The following MYO9B variants were observed in gnomAD, a reference collection of about 807,000 sequenced individuals.
MYO9B encodes unconventional myosin-IXb.
Under a neutral mutation model 229.5 loss-of-function variants are expected in MYO9B, and 71 were observed. That is an observed-to-expected ratio of 0.31 (90% CI 0.26 to 0.38). MYO9B has a LOEUF of 0.38. Among genes scored for constraint, MYO9B ranks in the 10% least tolerant of loss-of-function variants. The probability of loss-of-function intolerance (pLI) is 1.00; values close to 1 mark genes in which losing one functional copy is unlikely to be tolerated. For synonymous variants in MYO9B, 1,185 were observed against 1,235.8 expected (o/e 0.96, Z 0.86); for missense variants, 2,255 against 2,920.5 (o/e 0.77, Z 5.25).
At position 17,118,837 on chromosome 19, in the gene MYO9B, G is replaced by A. The variant is rs181695849; in HGVS notation, c.840+16280G>A. Reference sequence around the variant, plus strand: ...TAAATGAAGCCACCACCTGTGTGGAGGGAGCTGTTTGTGGAAGGTGTAATT... The same window carrying A: ...TAAATGAAGCCACCACCTGTGTGGAAGGAGCTGTTTGTGGAAGGTGTAATT... On this transcript the variant is annotated intron_variant, in intron 2 of 39. Coordinates refer to ENST00000682292, the MANE Select transcript of MYO9B (RefSeq NM_004145.4). Among the ~76,000 whole-genome samples the A allele has an allele frequency of 3.9e-5, 6 of 152,230 alleles. No homozygotes were observed. The East Asian group carries it at 1.2e-3, about 30-fold the overall frequency.
At chr19:17,153,879 T>C (rs1297230499) in intron 4 of MYO9B, 88 bp from the exon 5 acceptor site, 1 of 926,712 alleles carries the variant, frequency 1.1e-6, no homozygotes, top group African/African-American at 1.6e-5. Flanking sequence ...TGAGGTGTGC[T>C]CTCCAAAGCC....
chr19:17,133,163 A>G (rs933372198), intron 2 of MYO9B, among the ~76,000 whole-genome samples: 1 of 152,220 alleles, frequency 6.6e-6, no homozygotes, highest in Middle Eastern at 3.4e-3. Context: ...TTTCTAATTG[A>G]TGAAAGTTGT....
intron 35 of MYO9B, among the ~76,000 whole-genome samples, chr19:17,209,187 A>G (rs1010957478): frequency 1.3e-5 from 2 of 152,158 alleles, no homozygotes. Context: ...GATACTGACA[A>G]CACCAGGCTG....
At chr19:17,077,676 C>T (rs1343533559) in intron 1 of MYO9B, among the ~76,000 whole-genome samples, 2 of 152,178 alleles carry the variant, frequency 1.3e-5, no homozygotes, top group African/African-American at 2.4e-5. Flanking sequence ...CGTTTTTCAA[C>T]CTTGAAACCC....
intron 2 of MYO9B, among the ~76,000 whole-genome samples, chr19:17,125,004 A>G (rs920776414): frequency 3.3e-5 from 5 of 151,954 alleles, no homozygotes; most frequent in African/African-American, 1.2e-4. Context: ...TTGGGCATCA[A>G]ATGGGCAAGA....
At chr19:17,162,868 G>A (rs993072317) in intron 9 of MYO9B, 120 bp from the exon 10 acceptor site, 4 of 1,127,250 alleles carry the variant, frequency 3.5e-6, no homozygotes, top group Non-Finnish European at 5.0e-6. Context: ...AAAGTGTTCT[G>A]CCGAGCAACA....
At chr19:17,185,869 C>T (rs1358666090) in intron 17 of MYO9B, 52 bp from the exon 18 acceptor site, 11 of 1,450,532 alleles carry the variant, frequency 7.6e-6, no homozygotes, top group East Asian at 4.5e-5. Flanking sequence ...CACAGAACAG[C>T]GGCTGTCAGG....
At chr19:17,136,934 A>T (rs1161741525) in intron 2 of MYO9B, among the ~76,000 whole-genome samples, 1 of 152,090 alleles carries the variant, frequency 6.6e-6, no homozygotes, top group African/African-American at 2.4e-5. Context: ...CGACAAAAAT[A>T]ATTTTTAAAA....
In MYO9B at chr19:17,212,282, C is replaced by G; in HGVS notation, c.6446C>G (p.Pro2149Arg). The G allele has an allele frequency of 6.5e-7, 1 of 1,541,408 alleles. No individual in the cohort carries two copies. The highest frequency in any genetic ancestry group is 8.7e-7 in the Non-Finnish European group (1 of 1,151,612). ...RYSDPPTYCL[P>R]PASGQTNG The stretch of plus-strand genomic sequence containing the variant: ...TCGGATCCCCCAACGTACTGCCTGC[C>G]CCCCGCCTCGGGCCAGACCAATGGC... Residue 2149 changes from proline (P) to arginine (R), a missense_variant, in exon 40 of 40, where the codon CCC becomes CGC. Physicochemically the swap from Pro to Arg is moderately radical, Grantham distance 103. Transcript: ENST00000682292. This position sits in a 1 kb window ranked among gnomAD's most constrained non-coding sequence, Gnocchi z 5.4.
At chr19:17,157,454 G>T (rs1406010461) in intron 7 of MYO9B, 1 of 160,338 alleles carries the variant, frequency 6.2e-6, no homozygotes, top group Non-Finnish European at 1.4e-5. Flanking sequence ...AGCAACTTGG[G>T]AGGCAGAGGC....
chr19:17,198,380 G>T (rs1043883605), intron 24 of MYO9B, 72 bp downstream of exon 24: 1 of 1,591,000 alleles, frequency 6.3e-7, no homozygotes, highest in Non-Finnish European at 8.6e-7. Context: ...CCTCGCAGCA[G>T]TGTGGCCTCC....
intron 1 of MYO9B, among the ~76,000 whole-genome samples, chr19:17,096,085 T>A (rs970592668): frequency 1.3e-5 from 2 of 152,186 alleles, no homozygotes; most frequent in African/African-American, 4.8e-5. Context: ...CAGGCTTCTT[T>A]CACTCAGCCC....
intron 2 of MYO9B, among the ~76,000 whole-genome samples, chr19:17,132,384 A>G (rs1180288343): frequency 6.7e-6 from 1 of 149,750 alleles, no homozygotes; most frequent in Non-Finnish European, 1.5e-5. Context: ...ACGGGGTTCC[A>G]CCATGTTGGC....
intron 1 of MYO9B, among the ~76,000 whole-genome samples, chr19:17,096,923 C>T (rs955856014): frequency 6.9e-6 from 1 of 144,220 alleles, no homozygotes; most frequent in African/African-American, 2.6e-5. Context: ...TCGATCTGAC[C>T]TCGTGATCCG....
chr19:17,175,826 T>A, intron 14 of MYO9B, 85 bp downstream of exon 14: 80 of 261,014 alleles, frequency 3.1e-4, no homozygotes, highest in Middle Eastern at 1.2e-3. Context: ...GCTACATTCT[T>A]TTTTTTTTTT....
At position 17,192,880 on chromosome 19, in the gene MYO9B, C is replaced by T. The variant is rs377119724; in HGVS notation, c.2946C>T (p.Ala982=). ...GGCACTTCCTGCAGATGAAGCGGGC[C>T]GCCGTCACCATCCAGGCCTGCTGGC... ...ERRHFLQMKR[A]AVTIQACWRS... Residue 982 remains alanine (A), a synonymous_variant, in exon 21 of 40, where the codon GCC becomes GCT. Transcript: ENST00000682292. The T allele has an allele frequency of 1.6e-4, 249 of 1,550,344 alleles. 2 individuals are homozygous for T. The Middle Eastern group carries it at 6.0e-3, about 37-fold the overall frequency.
At chr19:17,105,005 C>T (rs1443013965) in intron 2 of MYO9B, among the ~76,000 whole-genome samples, 1 of 152,100 alleles carries the variant, frequency 6.6e-6, no homozygotes, top group East Asian at 1.9e-4. Context: ...GTTGGAGTGT[C>T]ACAGAGTGGT....
chr19:17,116,250 A>G (rs1039230746), intron 2 of MYO9B, among the ~76,000 whole-genome samples: 9 of 152,162 alleles, frequency 5.9e-5, no homozygotes, highest in African/African-American at 1.2e-4. Context: ...AGGATCATGG[A>G]ACCTGTGGGC....
At chr19:17,192,300 A>AG (rs1157271399) in intron 20 of MYO9B, among the ~76,000 whole-genome samples, 11 of 113,206 alleles carry the variant, frequency 9.7e-5, no homozygotes, top group Non-Finnish European at 1.7e-4. Flanking sequence ...AAAAAAAAAA[A>AG]GGGGGGGCCA....
Sources: gnomAD v4.1 joint callset for allele counts (sites outside exome capture counted in the v4.1 genomes callset) on GRCh38, gnomAD v4.1.1 for gene constraint, Gnocchi (gnomAD v3.1) non-coding constraint, MANE v1.5 for transcripts, NCBI Gene and HGNC (gene_info 2026-07-23, HGNC 2026-07-21) for gene names.